Variants in VAV3 observed in about 807,000 individuals in gnomAD.
VAV3 encodes the protein guanine nucleotide exchange factor VAV3.
A neutral mutation model predicts 131.2 loss-of-function variants in VAV3; 94 were observed. That is an observed-to-expected ratio of 0.72 (90% CI 0.61 to 0.85). The LOEUF (loss-of-function observed/expected upper bound fraction) is 0.85. VAV3 is among the 40% of genes least tolerant of loss of function. The probability of loss-of-function intolerance (pLI) is 0.00; values close to 1 mark genes in which losing one functional copy is unlikely to be tolerated. For missense variants in VAV3, 939 were observed against 1,002.7 expected (o/e 0.94, Z 0.86); for synonymous variants, 349 against 342.0 (o/e 1.02, Z -0.22).
intron 2 of VAV3, among the ~76,000 whole-genome samples, chr1:107,818,799 T>C (rs953974627): frequency 6.6e-6 from 1 of 152,166 alleles, no homozygotes; most frequent in African/African-American, 2.4e-5. Flanking sequence ...TCTAGATAAC[T>C]GGTTATTCAG....
intron 20 of VAV3, among the ~76,000 whole-genome samples, chr1:107,624,353 T>C (rs1653837755): frequency 6.7e-6 from 1 of 148,340 alleles, no homozygotes; most frequent in South Asian, 2.2e-4. Context: ...CATGATACAA[T>C]CCTAAATTAT....
At chr1:107,669,324 C>G (rs1040351270) in intron 19 of VAV3, 1 of 1,289,630 alleles carries the variant, frequency 7.8e-7, no homozygotes, top group Non-Finnish European at 1.0e-6. Context: ...TGCTGGACAC[C>G]AGCCTTGTCT....
chr1:107,965,020 C>A lies in VAV3; in HGVS notation c.-151G>T. On this transcript the variant is annotated 5_prime_UTR_variant, in exon 1 of 27. Transcript: ENST00000370056. ...TCGAGGGAGCAGGAGCCGCGGCTGA[C>A]GGGTCGCGGGCGCCGCGCTAGGCTC... 2.0e-6 allele frequency: 1 copy of A among 499,486 alleles called. No homozygotes were observed. The highest frequency in any genetic ancestry group is 2.7e-6 in the Non-Finnish European group (1 of 371,894). 30.9% of individuals were successfully genotyped at this position (499,486 alleles called of 1,614,324 possible).
chr1:107,580,123 G>A (rs1649935031), intron 25 of VAV3, among the ~76,000 whole-genome samples: 1 of 152,178 alleles, frequency 6.6e-6, no homozygotes, highest in Non-Finnish European at 1.5e-5. Flanking sequence ...CAGCGATTCT[G>A]GAGGGCAGGG....
intron 17 of VAV3, among the ~76,000 whole-genome samples, chr1:107,697,552 A>G (rs1659823191): frequency 1.3e-5 from 2 of 152,244 alleles, no homozygotes; most frequent in African/African-American, 4.8e-5. Flanking sequence ...TGAATTACAT[A>G]CCAAAGTTTA....
chr1:107,792,329 C>T (rs1339402647), intron 2 of VAV3, among the ~76,000 whole-genome samples: 13 of 152,168 alleles, frequency 8.5e-5, no homozygotes, highest in Admixed American at 8.5e-4. Flanking sequence ...TAGATGCTGT[C>T]TATTCATAGC....
rs562498814 is a variant in VAV3 at position 107,640,825 on chromosome 1, T to A, written c.1914+1794A>T. ...GAAGAGGGTGAAAGAGTGTCTGGCA[T>A]GACCAGACAAAAGGCTGAGTTATGT... is the stretch of plus-strand genomic sequence containing the variant. On this transcript the variant is annotated intron_variant, in intron 20 of 26. Coordinates refer to ENST00000370056, the MANE Select transcript of VAV3 (RefSeq NM_006113.5). Among the ~76,000 whole-genome samples the A allele has an allele frequency of 1.8e-4, 27 of 152,004 alleles. No individual in the cohort carries two copies. The East Asian group carries it at 5.1e-3, about 28-fold the overall frequency.
intron 17 of VAV3, 113 bp from the exon 18 acceptor site, chr1:107,688,519 T>TA (rs1659194061): frequency 1.3e-6 from 2 of 1,565,340 alleles, no homozygotes; most frequent in African/African-American, 2.7e-5. Flanking sequence ...TCTTAACTGA[T>TA]ACCTGTAATA....
intron 18 of VAV3, among the ~76,000 whole-genome samples, chr1:107,684,100 T>C (rs915264326): frequency 1.2e-4 from 19 of 152,214 alleles, no homozygotes; most frequent in African/African-American, 4.6e-4. Context: ...AGCTTGTGAA[T>C]CATAAAAATG....
At chr1:107,888,010 G>A (rs1443243020) in intron 1 of VAV3, among the ~76,000 whole-genome samples, 2 of 151,638 alleles carry the variant, frequency 1.3e-5, no homozygotes, top group Admixed American at 6.6e-5. Flanking sequence ...AATTTGGGGG[G>A]GGGGTTATTT....
intron 22 of VAV3, among the ~76,000 whole-genome samples, chr1:107,608,479 T>C (rs1652469470): frequency 6.6e-6 from 1 of 152,208 alleles, no homozygotes; most frequent in African/African-American, 2.4e-5. Context: ...CTTTCAGGAC[T>C]ATAGTTTAAA....
chr1:107,911,668 GC>G (rs1454056005), intron 1 of VAV3, among the ~76,000 whole-genome samples: 4 of 152,336 alleles, frequency 2.6e-5, no homozygotes, highest in Non-Finnish European at 4.4e-5. Flanking sequence ...TGCTGCTAGA[GC>G]AAGAAAAGTA....
At chr1:107,875,982 C>T (rs893690973) in intron 1 of VAV3, among the ~76,000 whole-genome samples, 2 of 152,078 alleles carry the variant, frequency 1.3e-5, no homozygotes, top group African/African-American at 4.8e-5. Flanking sequence ...AACCATGACA[C>T]TGGCTGAAAT....
intron 2 of VAV3, among the ~76,000 whole-genome samples, chr1:107,835,355 C>T (rs2102399668): frequency 6.6e-6 from 1 of 152,292 alleles, no homozygotes; most frequent in East Asian, 1.9e-4. Context: ...AGGCTTGTGG[C>T]AACCCCCCAG....
chr1:107,711,979 C>G (rs1054297121), intron 15 of VAV3, among the ~76,000 whole-genome samples: 20 of 152,112 alleles, frequency 1.3e-4, no homozygotes, highest in South Asian at 2.1e-4. Flanking sequence ...AGCCACCGTG[C>G]CCGACAACGC....
intron 24 of VAV3, among the ~76,000 whole-genome samples, chr1:107,598,439 A>C (rs1651569404): frequency 6.6e-6 from 1 of 152,204 alleles, no homozygotes; most frequent in South Asian, 2.1e-4. Flanking sequence ...CTATGTGTTC[A>C]TGATGTACTA....
chr1:107,922,813 G>T (rs12060175), intron 1 of VAV3, among the ~76,000 whole-genome samples: 1 of 151,936 alleles, frequency 6.6e-6, no homozygotes. Context: ...TTAGCCGGGC[G>T]TGGTGGCGGG....
intron 22 of VAV3, chr1:107,609,552 A>T (rs1216659825): frequency 6.4e-6 from 1 of 156,028 alleles, no homozygotes; most frequent in Non-Finnish European, 1.4e-5. Flanking sequence ...ATAAAAAATA[A>T]AAAAAAAAAC....
At chr1:107,847,480 C>T (rs1669022863) in intron 2 of VAV3, among the ~76,000 whole-genome samples, 1 of 152,082 alleles carries the variant, frequency 6.6e-6, no homozygotes, top group Admixed American at 6.6e-5. Flanking sequence ...TCAGTGAATC[C>T]AGGAGCTGGT....
Sources: gnomAD v4.1 joint callset for allele counts (sites outside exome capture counted in the v4.1 genomes callset) on GRCh38, gnomAD v4.1.1 for gene constraint, MANE v1.5 for transcripts, NCBI Gene and HGNC (gene_info 2026-07-23, HGNC 2026-07-21) for gene names.